The following NABP2 variants were observed in gnomAD, a reference collection of about 807,000 sequenced individuals.
NABP2 encodes the protein nucleic acid binding protein 2.
In NABP2, 7 loss-of-function variants were observed where a neutral mutation model predicts 22.7. The observed-to-expected ratio is 0.31, with a 90% CI of 0.18 to 0.58. The LOEUF is 0.58. Ranked by LOEUF, NABP2 falls within the 20% of genes least tolerant of loss-of-function variation. The pLI is 0.89. For missense variants in NABP2, 188 were observed against 265.9 expected (o/e 0.71, Z 2.04); for synonymous variants, 107 against 99.2 (o/e 1.08, Z -0.47).
intron 2 of NABP2, 37 bp downstream of exon 2, chr12:56,224,972 GT>G: frequency 6.8e-7 from 1 of 1,463,426 alleles, no homozygotes; most frequent in Non-Finnish European, 9.5e-7. Context: ...CGGGATGGGG[GT>G]CGGGGGCAGG....
At chr12:56,223,160 C>A (rs1869579816), upstream of NABP2, among the ~76,000 whole-genome samples, 2 of 152,102 alleles carry the variant, frequency 1.3e-5, no homozygotes, top group African/African-American at 4.8e-5. Context: ...CGCTTGAACC[C>A]GGGAGGCAGA....
chr12:56,225,423 G>T lies in NABP2; in HGVS notation c.130G>T (p.Ala44Ser), dbSNP rs1869713295. 2 of 1,614,206 alleles carry T rather than the reference G, an allele frequency of 1.2e-6. No homozygotes were observed. The highest frequency in any genetic ancestry group is 1.1e-5 in the South Asian group (1 of 91,080). Residue 44 changes from alanine (A) to serine (S), a missense_variant, in exon 3 of 7, where the codon GCG becomes TCG. By Grantham distance (99) the Ala-to-Ser change is moderately conservative. Coordinates refer to ENST00000267023, the MANE Select transcript of NABP2 (RefSeq NM_024068.4). ...DGHEVRTCKVADKTGSINISV... is the reference protein window; with the variant it reads ...DGHEVRTCKVSDKTGSINISV... ...GCATGAGGTTCGGACCTGCAAAGTG[G>T]CGGACAAAACAGGCAGCATCAATAT...
Position 56,225,666 on chromosome 12 carries a change from C to A in NABP2, c.261C>A (p.Gly87=). 2 of 1,614,106 alleles carry A rather than the reference C, an allele frequency of 1.2e-6. No individual in the cohort carries two copies. The highest frequency in any genetic ancestry group is 1.7e-6 in the Non-Finnish European group (2 of 1,180,026). The change falls in exon 4 of 7, where the codon GGC becomes GGA. Residue 87 remains glycine (G), a synonymous_variant. Transcript: ENST00000267023. ...AAGGTTGTCTGACACTATATACTGG[C>A]CGTGGGGGTGATCTGCAGAAGATTG... ...VFKGCLTLYT[G]RGGDLQKIGE...
intron 6 of NABP2, among the ~76,000 whole-genome samples, chr12:56,228,257 A>G (rs1025988329): frequency 7.2e-5 from 11 of 152,172 alleles, no homozygotes; most frequent in African/African-American, 2.7e-4. Flanking sequence ...ATTTTCTAAA[A>G]TGAACATTAT....
chr12:56,229,042 G>A lies in NABP2; in HGVS notation c.465G>A (p.Leu155=). 6.2e-7 allele frequency: 1 copy of A among 1,613,158 alleles called. No individual in the cohort carries two copies. The highest frequency in any genetic ancestry group is 8.5e-7 in the Non-Finnish European group (1 of 1,179,652). ...PASENQNGNG[L]SAPPGPGGGP... ...CTGAGAACCAGAATGGGAATGGACTGAGTGCCCCACCAGGTCCCGGTGGTG... is the reference window on the plus strand; with the variant it reads ...CTGAGAACCAGAATGGGAATGGACTAAGTGCCCCACCAGGTCCCGGTGGTG... The change falls in exon 7 of 7, where the codon CTG becomes CTA. Residue 155 remains leucine, a synonymous_variant. Transcript: ENST00000267023.
At chr12:56,225,725 G>C in intron 4 of NABP2, 30 bp downstream of exon 4, 3 of 1,611,708 alleles carry the variant, frequency 1.9e-6, no homozygotes, top group Non-Finnish European at 2.5e-6. Context: ...TTGGGATGAA[G>C]AAGCACCAGG....
rs1426632323 is a variant in NABP2 at position 56,224,911 on chromosome 12, C to T, written c.55C>T (p.Leu19Phe). ...DIKPGLKNLNLIFIVLETGRV... is the reference protein window; with the variant it reads ...DIKPGLKNLNFIFIVLETGRV... ...CAAGCCTGGGCTCAAGAATCTGAAC[C>T]TTATCTTCATTGTGCTGGAGACAGG... The change falls in exon 2 of 7, where the codon CTT (leucine) becomes TTT (phenylalanine). Residue 19 changes from leucine (L) to phenylalanine (F), a missense_variant. Physicochemically the swap from Leu to Phe is conservative, Grantham distance 22 (BLOSUM62 0). Coordinates refer to ENST00000267023, the MANE Select transcript of NABP2 (RefSeq NM_024068.4). 1 of 1,611,054 alleles carries T rather than the reference C, an allele frequency of 6.2e-7. No homozygotes were observed. Among genetic ancestry groups the T allele is most frequent in the Non-Finnish European group, 8.5e-7 (1 of 1,178,678 alleles).
chr12:56,229,087 T>TTGCCCCGCC lies in NABP2; in HGVS notation c.510_511insTGCCCCGCC (p.Thr170_Pro171insCysProAla). ...GTGGTGGCCCACATCCCCCTCATAC[T>TTGCCCCGCC]CCCTCCCACCCACCCAGCACCCGAA... is the stretch of plus-strand genomic sequence containing the variant. On this transcript the variant is annotated inframe_insertion, in exon 7 of 7. Coordinates refer to ENST00000267023, the MANE Select transcript of NABP2 (RefSeq NM_024068.4). 1 of 1,512,346 alleles carries TTGCCCCGCC rather than the reference T, an allele frequency of 6.6e-7. No individual in the cohort carries two copies. The highest frequency in any genetic ancestry group is 9.1e-7 in the Non-Finnish European group (1 of 1,102,014). 93.7% of individuals were successfully genotyped at this position (1,512,346 alleles called of 1,614,324 possible).
At position 56,229,091 on chromosome 12, in the gene NABP2, TCCCA is replaced by T; in HGVS notation, c.523_526del (p.Pro175AlafsTer57). 1 of 401,166 alleles carries T rather than the reference TCCCA, an allele frequency of 2.5e-6. No individual in the cohort carries two copies. The highest frequency in any genetic ancestry group is 4.4e-6 in the Non-Finnish European group (1 of 225,398). The allele number at this position is 401,166 out of a possible 1,614,324, so 24.9% of individuals were successfully genotyped here. On this transcript the variant is annotated frameshift_variant, in exon 7 of 7. Transcript: ENST00000267023. LOFTEE classifies it high-confidence loss of function. Reference sequence around the variant, plus strand: ...TGGCCCACATCCCCCTCATACTCCCTCCCACCCACCCAGCACCCGAATCACTCGA... The same window carrying T: ...TGGCCCACATCCCCCTCATACTCCCTCCCACCCAGCACCCGAATCACTCGA...
Position 56,226,448 on chromosome 12 carries a change from C to T in NABP2, c.436+29C>T, listed in dbSNP as rs768739919. 6 of 1,586,988 alleles carry T rather than the reference C, an allele frequency of 3.8e-6. No individual in the cohort carries two copies. In the South Asian group the frequency reaches 6.6e-5, roughly 18 times the overall value. ...AATCTGTTCCCTTCTATCCACTGGT[C>T]CTCCTAGCTCTCCCACTCTCCTCAG... is the stretch of plus-strand genomic sequence containing the variant. On this transcript the variant is annotated intron_variant, in intron 6 of 6. Coordinates refer to ENST00000267023, the MANE Select transcript of NABP2 (RefSeq NM_024068.4).
chr12:56,225,672 G>C lies in NABP2; in HGVS notation c.267G>C (p.Gly89=), dbSNP rs780919138. 1.2e-6 allele frequency: 2 copies of C among 1,614,180 alleles called. No individual in the cohort carries two copies. Among genetic ancestry groups the C allele is most frequent in the Non-Finnish European group, 1.7e-6 (2 of 1,180,044 alleles). ...GTCTGACACTATATACTGGCCGTGG[G>C]GGTGATCTGCAGAAGATTGGAGAGT... ...KGCLTLYTGR[G]GDLQKIGEFC... The change falls in exon 4 of 7, where the codon GGG becomes GGC. Residue 89 remains glycine (G), a synonymous_variant. Transcript: ENST00000267023.
At chr12:56,228,290 C>A (rs1405713865) in intron 6 of NABP2, among the ~76,000 whole-genome samples, 1 of 152,174 alleles carries the variant, frequency 6.6e-6, no homozygotes, top group East Asian at 1.9e-4. Flanking sequence ...CTCATACACA[C>A]CTTTTTTTTA....
At chr12:56,226,508 A>C (rs1394624326) in intron 6 of NABP2, 89 bp downstream of exon 6, 8 of 1,192,100 alleles carry the variant, frequency 6.7e-6, no homozygotes, top group Non-Finnish European at 1.0e-5. Context: ...TCCTTTTCCA[A>C]ATCTCTCTTT....
Position 56,225,799 on chromosome 12 carries a change from C to CTGTT in NABP2, c.290+122_290+125dup, listed in dbSNP as rs139913738. 5,271 of 1,212,200 alleles carry CTGTT rather than the reference C, an allele frequency of 4.3e-3. 118 individuals carry two copies. The African/African-American group carries it at 0.057, about 13-fold the overall frequency. 75.1% of individuals were successfully genotyped at this position (1,212,200 alleles called of 1,614,324 possible). A position where few individuals can be genotyped will look rare whatever the true frequency, so the allele number is the denominator to read the frequency against. ...TCCAAGCCTCATTTCTGGACTTTTTCTGTTTGTTTGTTTGTTTGTTTTGAG... is the reference window on the plus strand; with the variant it reads ...TCCAAGCCTCATTTCTGGACTTTTTCTGTTTGTTTGTTTGTTTGTTTGTTTTGAG... On this transcript the variant is annotated intron_variant, in intron 4 of 6. Transcript: ENST00000267023.
chr12:56,226,353 C>T lies in NABP2; in HGVS notation c.373-3C>T. The stretch of plus-strand genomic sequence containing the variant: ...GATCTGAATATGTAATCTGTGCCTT[C>T]AGGTGCAGAACGACAGCAACCCTTC... On this transcript the variant is annotated splice_region_variant and splice_polypyrimidine_tract_variant and intron_variant, in intron 5 of 6. Transcript: ENST00000267023. 1 of 1,613,998 alleles carries T rather than the reference C, an allele frequency of 6.2e-7. No individual in the cohort carries two copies. The highest frequency in any genetic ancestry group is 8.5e-7 in the Non-Finnish European group (1 of 1,179,976).
Position 56,229,087 on chromosome 12 carries a change from T to TTGGGGGCCC in NABP2, c.510_511insTGGGGGCCC (p.Thr170_Pro171insTrpGlyPro). On this transcript the variant is annotated inframe_insertion, in exon 7 of 7. Coordinates refer to ENST00000267023, the MANE Select transcript of NABP2 (RefSeq NM_024068.4). ...GTGGTGGCCCACATCCCCCTCATAC[T>TTGGGGGCCC]CCCTCCCACCCACCCAGCACCCGAA... The TTGGGGGCCC allele has an allele frequency of 1.3e-6, 2 of 1,512,332 alleles. No individual in the cohort carries two copies. Among genetic ancestry groups the TTGGGGGCCC allele is most frequent in the Non-Finnish European group, 1.8e-6 (2 of 1,102,000 alleles). 93.7% of individuals were successfully genotyped at this position (1,512,332 alleles called of 1,614,324 possible). A position where few individuals can be genotyped will look rare whatever the true frequency, so the allele number is the denominator to read the frequency against.
intron 4 of NABP2, 74 bp downstream of exon 4, chr12:56,225,769 TGCAGTCCAA>T (rs1442094852): frequency 2.1e-6 from 3 of 1,433,392 alleles, no homozygotes; most frequent in Non-Finnish European, 2.9e-6. Context: ...GCATAGGGTG[TGCAGTCCAA>T]GCCTCATTTC....
Position 56,224,831 on chromosome 12 carries a change from C to G in NABP2, c.-23-3C>G. 1 of 1,610,618 alleles carries G rather than the reference C, an allele frequency of 6.2e-7. No homozygotes were observed. The highest frequency in any genetic ancestry group is 1.1e-5 in the South Asian group (1 of 91,016). On this transcript the variant is annotated splice_polypyrimidine_tract_variant and splice_region_variant and intron_variant, in intron 1 of 6. Transcript: ENST00000267023. ...GAGCCTTCATCCTCTATTCCCCATC[C>G]AGTGGGGTGCCGAGGCTCAGGCAGC...
At chr12:56,227,384 A>G (rs1181244545) in intron 6 of NABP2, among the ~76,000 whole-genome samples, 1 of 151,906 alleles carries the variant, frequency 6.6e-6, no homozygotes, top group Non-Finnish European at 1.5e-5. Flanking sequence ...AAAAAAAAAA[A>G]AAAAAGAACC....
Sources: allele counts gnomAD v4.1 joint callset (sites outside exome capture counted in the v4.1 genomes callset), GRCh38; gene constraint gnomAD v4.1.1; transcripts MANE v1.5; gene names NCBI Gene and HGNC (gene_info 2026-07-23, HGNC 2026-07-21).